MYO3B: variants seen among roughly 807,000 people sequenced by gnomAD.
MYO3B encodes the protein myosin-IIIb.
In MYO3B, 156 loss-of-function variants were observed where a neutral mutation model predicts 174.6. That is an observed-to-expected ratio of 0.89 (90% CI 0.78 to 1.02). The LOEUF (loss-of-function observed/expected upper bound fraction) is 1.02, where lower values mean the gene tolerates loss of function less well. Ranked by LOEUF, MYO3B falls within the 50% of genes least tolerant of loss-of-function variation. The pLI is 0.00. For synonymous variants in MYO3B, 563 were observed against 569.1 expected (o/e 0.99, Z 0.15); for missense variants, 1,632 against 1,639.4 (o/e 1.00, Z 0.08).
At chr2:170,624,997 T>C (rs1344623151) in intron 32 of MYO3B, among the ~76,000 whole-genome samples, 1 of 152,240 alleles carries the variant, frequency 6.6e-6, no homozygotes, top group East Asian at 1.9e-4. Context: ...TTTGCATCGA[T>C]GTTCATCAGG....
intron 22 of MYO3B, among the ~76,000 whole-genome samples, chr2:170,435,085 C>A (rs141547274): frequency 7.0e-4 from 106 of 152,312 alleles, no homozygotes; most frequent in Middle Eastern, 3.4e-3. Flanking sequence ...ATTGCACTAG[C>A]GTAGGTCTGT....
intron 8 of MYO3B, 35 bp from the exon 9 acceptor site, chr2:170,369,187 T>G (rs1202693528): frequency 6.2e-7 from 1 of 1,601,372 alleles, no homozygotes; most frequent in Non-Finnish European, 8.5e-7. Flanking sequence ...TGTCTAAGAT[T>G]GTACTTTGGA....
chr2:170,485,663 C>T (rs1398266394), intron 25 of MYO3B, among the ~76,000 whole-genome samples: 1 of 152,136 alleles, frequency 6.6e-6, no homozygotes, highest in Non-Finnish European at 1.5e-5. Flanking sequence ...TGTTTGCTAG[C>T]AGTGCTCAAT....
At chr2:170,335,272 GAACA>G (rs2093939423) in intron 7 of MYO3B, 109 bp from the exon 8 acceptor site, 2 of 816,702 alleles carry the variant, frequency 2.4e-6, no homozygotes, top group Non-Finnish European at 3.9e-6. Flanking sequence ...TCTCATATGA[GAACA>G]AACAGATTTT....
chr2:170,536,620 A>G (rs984228161), intron 30 of MYO3B, among the ~76,000 whole-genome samples: 2 of 152,160 alleles, frequency 1.3e-5, no homozygotes, highest in African/African-American at 2.4e-5. Flanking sequence ...TTCATATCAC[A>G]CATTAAAGCC....
chr2:170,585,481 T>C (rs1213464318), intron 32 of MYO3B, among the ~76,000 whole-genome samples: 1 of 152,152 alleles, frequency 6.6e-6, no homozygotes, highest in East Asian at 1.9e-4. Flanking sequence ...CCCGCCTGCA[T>C]TGTAGAGCCT....
At chr2:170,469,045 A>T (rs1684812348) in intron 25 of MYO3B, among the ~76,000 whole-genome samples, 1 of 152,134 alleles carries the variant, frequency 6.6e-6, no homozygotes, top group Non-Finnish European at 1.5e-5. Context: ...CTGAGCCAGG[A>T]GAATCGCTTG....
intron 7 of MYO3B, among the ~76,000 whole-genome samples, chr2:170,242,971 G>T (rs1418500713): frequency 1.3e-5 from 2 of 152,124 alleles, no homozygotes; most frequent in Non-Finnish European, 2.9e-5. Context: ...TAGGGGCAGG[G>T]GTAAGACAGG....
At chr2:170,255,322 T>C (rs2093295083) in intron 7 of MYO3B, among the ~76,000 whole-genome samples, 1 of 148,940 alleles carries the variant, frequency 6.7e-6, no homozygotes, top group East Asian at 2.0e-4. Context: ...AGTAAGGGAG[T>C]CATCTCTTGT....
chr2:170,543,498 TG>T (rs1047667976), intron 31 of MYO3B, among the ~76,000 whole-genome samples: 1 of 152,218 alleles, frequency 6.6e-6, no homozygotes, highest in African/African-American at 2.4e-5. Flanking sequence ...CAAAATCCTT[TG>T]GATGATGTAC....
intron 32 of MYO3B, among the ~76,000 whole-genome samples, chr2:170,603,728 G>C (rs888477902): frequency 6.6e-6 from 1 of 152,166 alleles, no homozygotes; most frequent in Non-Finnish European, 1.5e-5. Context: ...GTTTTAAAAT[G>C]CTTAGGAAAA....
intron 16 of MYO3B, among the ~76,000 whole-genome samples, chr2:170,398,293 G>A (rs182728149): frequency 1.3e-5 from 2 of 150,538 alleles, no homozygotes; most frequent in East Asian, 3.9e-4. Context: ...AATGCATATG[G>A]CAAAGTATGT....
At chr2:170,407,392 C>T (rs1318873371) in intron 21 of MYO3B, among the ~76,000 whole-genome samples, 2 of 151,914 alleles carry the variant, frequency 1.3e-5, no homozygotes, top group Non-Finnish European at 2.9e-5. Context: ...ACCCGGGAGG[C>T]GGAGGTTGCA....
intron 7 of MYO3B, among the ~76,000 whole-genome samples, chr2:170,240,438 T>C (rs930686645): frequency 6.6e-6 from 1 of 152,190 alleles, no homozygotes; most frequent in African/African-American, 2.4e-5. Context: ...GTTACCACTA[T>C]TTTTTCCAGA....
rs369814364 is a variant in MYO3B, at chr2:170,205,934, C to T, written c.321+5650C>T. ...GTAGTATACAGGTATATATTATATG[C>T]GTAGTATATGGATATATATTATATG... is the stretch of plus-strand genomic sequence containing the variant. On this transcript the variant is annotated intron_variant, in intron 3 of 34. Coordinates refer to ENST00000408978, the MANE Select transcript of MYO3B (RefSeq NM_138995.5). 5.9e-5 allele frequency among the ~76,000 whole-genome samples: 9 copies of T among 151,896 alleles called. No individual in the cohort carries two copies. In the South Asian group the frequency reaches 8.3e-4, roughly 14 times the overall value.
rs192327084 is a variant in MYO3B, at chr2:170,494,785, G to A, written c.3015-3807G>A. 4.6e-5 allele frequency among the ~76,000 whole-genome samples: 7 copies of A among 151,176 alleles called. No homozygotes were observed. The East Asian group carries it at 5.8e-4, about 13-fold the overall frequency. On this transcript the variant is annotated intron_variant, in intron 25 of 34. Transcript: ENST00000408978. ...AAAAGAAAAAAGAAAAAGAAGTTAC[G>A]TGGATTTCTTGACATTGTATGCAAT...
At chr2:170,351,764 C>T (rs773274228) in intron 8 of MYO3B, among the ~76,000 whole-genome samples, 1 of 152,074 alleles carries the variant, frequency 6.6e-6, no homozygotes, top group Non-Finnish European at 1.5e-5. Flanking sequence ...ACAAATGAAG[C>T]ATAAATTCGT....
rs1180225118 is a variant in MYO3B at position 170,206,094 on chromosome 2, T to C, written c.321+5810T>C. On this transcript the variant is annotated intron_variant, in intron 3 of 34. Coordinates refer to ENST00000408978, the MANE Select transcript of MYO3B (RefSeq NM_138995.5). The surrounding 1 kb of genome is among the most constrained non-coding windows in gnomAD (Gnocchi z 4.3). ...ATCCTTTGTCCCAACAGTAGTAGAG[T>C]ATTTAGAACTCATCACACACATGTA... 1.3e-5 allele frequency among the ~76,000 whole-genome samples: 2 copies of C among 152,018 alleles called. No individual in the cohort carries two copies. Among genetic ancestry groups the C allele is most frequent in the South Asian group, 2.1e-4 (1 of 4,816 alleles).
chr2:170,568,886 G>C (rs568619673), intron 32 of MYO3B, among the ~76,000 whole-genome samples: 69 of 152,182 alleles, frequency 4.5e-4, no homozygotes, highest in Non-Finnish European at 9.7e-4. Context: ...AAGACTGTTG[G>C]ACAGTCTTCT....
Sources: gnomAD v4.1 joint callset for allele counts (sites outside exome capture counted in the v4.1 genomes callset) on GRCh38, gnomAD v4.1.1 for gene constraint, Gnocchi (gnomAD v3.1) non-coding constraint, MANE v1.5 for transcripts, NCBI Gene and HGNC (gene_info 2026-07-23, HGNC 2026-07-21) for gene names.